Variants in DNAH8 observed in about 807,000 individuals in gnomAD.
DNAH8 encodes axonemal beta dynein heavy chain 8.
Under a neutral mutation model 562.1 loss-of-function variants are expected in DNAH8, and 382 were observed. That is an observed-to-expected ratio of 0.68 (90% CI 0.63 to 0.74). The LOEUF is 0.74. Ranked by LOEUF, DNAH8 falls within the 30% of genes least tolerant of loss-of-function variation. The probability of loss-of-function intolerance (pLI) is 0.00; values close to 1 mark genes in which losing one functional copy is unlikely to be tolerated. For missense variants in DNAH8, 5,203 were observed against 5,620.4 expected (o/e 0.93, Z 2.37); for synonymous variants, 1,881 against 1,919.4 (o/e 0.98, Z 0.52).
chr6:38,763,392 T>G, intron 11 of DNAH8: 2 of 281,864 alleles, frequency 7.1e-6, no homozygotes, highest in Non-Finnish European at 1.4e-5. Context: ...AAGCAGAATA[T>G]TGTGACAAGA....
rs766171890 is a variant in DNAH8 at position 38,857,711 on chromosome 6, A to G, written c.5927A>G (p.His1976Arg). The change falls in exon 42 of 93, where the codon CAT becomes CGT. Residue 1976 changes from histidine (H) to arginine (R), a missense_variant. Physicochemically the swap from His to Arg is conservative, Grantham distance 29 (BLOSUM62 0). Coordinates refer to ENST00000327475, the MANE Select transcript of DNAH8 (RefSeq NM_001206927.2). ...AAGTTCGAGACTCTAATTACCATCCATGTGCATCAGAGAGATATTTTTGAT... is the reference window on the plus strand; with the variant it reads ...AAGTTCGAGACTCTAATTACCATCCGTGTGCATCAGAGAGATATTTTTGAT... ...RVKFETLITI[H>R]VHQRDIFDDL... 1 of 1,612,514 alleles carries G rather than the reference A, an allele frequency of 6.2e-7. No individual in the cohort carries two copies. The highest frequency in any genetic ancestry group is 8.5e-7 in the Non-Finnish European group (1 of 1,178,910).
At position 38,786,873 on chromosome 6, in the gene DNAH8, T is replaced by C. The variant is rs1236441951; in HGVS notation, c.2504T>C (p.Met835Thr). The change falls in exon 18 of 93, where the codon ATG becomes ACG. Residue 835 changes from methionine to threonine, a missense_variant. Met to Thr is a moderately conservative substitution (Grantham distance 81, BLOSUM62 -1). Transcript: ENST00000327475. Reference protein sequence around the residue: ...VVRETKCMIKMKLDVPEQAKR... With the variant: ...VVRETKCMIKTKLDVPEQAKR... ...CGGGAAACTAAGTGTATGATAAAAATGAAGTTGGATGTACCAGAACAGGCA... is the reference window on the plus strand; with the variant it reads ...CGGGAAACTAAGTGTATGATAAAAACGAAGTTGGATGTACCAGAACAGGCA... 4 of 1,613,426 alleles carry C rather than the reference T, an allele frequency of 2.5e-6. No homozygotes were observed. In the African/African-American group the frequency reaches 5.3e-5, roughly 22 times the overall value.
At chr6:38,990,792 C>T (rs1422886216) in intron 88 of DNAH8, among the ~76,000 whole-genome samples, 1 of 152,178 alleles carries the variant, frequency 6.6e-6, no homozygotes, top group Admixed American at 6.5e-5. Context: ...AAGAAATGCT[C>T]CCCAGTTCCA....
rs779021668 is a variant in DNAH8, at chr6:38,921,349, C to A, written c.10525-20C>A. On this transcript the variant is annotated intron_variant, in intron 70 of 92. Coordinates refer to ENST00000327475, the MANE Select transcript of DNAH8 (RefSeq NM_001206927.2). ...CTGTTTCATGCAGCTAATACACTAA[C>A]CACGTCTTCTTCTTTTCAGGCCAAC... The A allele has an allele frequency of 8.8e-5, 142 of 1,609,784 alleles. No individual in the cohort carries two copies. The highest frequency in any genetic ancestry group is 1.2e-4 in the Non-Finnish European group (138 of 1,178,566).
intron 77 of DNAH8, among the ~76,000 whole-genome samples, chr6:38,936,106 T>C (rs147844267): frequency 0.013 from 1,936 of 152,122 alleles, 30 homozygotes; most frequent in Middle Eastern, 0.037. Context: ...CCCAGCACTT[T>C]GGGAGACCAA....
intron 57 of DNAH8, 67 bp downstream of exon 57, chr6:38,887,071 T>A: frequency 8.4e-7 from 1 of 1,191,332 alleles, no homozygotes; most frequent in Non-Finnish European, 1.2e-6. Flanking sequence ...AAAATTTCAT[T>A]TAAGAGACAA....
chr6:38,927,292 A>G (rs1056160317), intron 74 of DNAH8, among the ~76,000 whole-genome samples: 1 of 152,210 alleles, frequency 6.6e-6, no homozygotes, highest in Non-Finnish European at 1.5e-5. Flanking sequence ...GCCATAACAA[A>G]CATCCTATTT....
In DNAH8 at chr6:38,938,102, T is replaced by C; in HGVS notation, c.11692T>C (p.Phe3898Leu). Reference protein sequence around the residue: ...EIKINAAQEEFRPAATRGSIL... With the variant: ...EIKINAAQEELRPAATRGSIL... ...CAAGATCAACGCGGCTCAGGAGGAG[T>C]TCCGGCCCGCAGCCACCCGCGGAAG... The change falls in exon 78 of 93, where the codon TTC becomes CTC. Residue 3898 changes from phenylalanine (F) to leucine (L), a missense_variant. By Grantham distance (22) the Phe-to-Leu change is conservative. Coordinates refer to ENST00000327475, the MANE Select transcript of DNAH8 (RefSeq NM_001206927.2). The C allele has an allele frequency of 1.2e-6, 2 of 1,613,278 alleles. No individual in the cohort carries two copies. The highest frequency in any genetic ancestry group is 1.7e-6 in the Non-Finnish European group (2 of 1,179,852).
chr6:38,757,035 C>A (rs951886570), intron 10 of DNAH8, among the ~76,000 whole-genome samples: 18 of 152,116 alleles, frequency 1.2e-4, no homozygotes, highest in African/African-American at 4.3e-4. Context: ...GGTATATACC[C>A]AGTAATGGGA....
At chr6:38,808,650 C>T (rs1314183831) in intron 24 of DNAH8, among the ~76,000 whole-genome samples, 1 of 152,150 alleles carries the variant, frequency 6.6e-6, no homozygotes, top group Admixed American at 6.5e-5. Context: ...CGTATGTTTA[C>T]TGTGGCAATG....
chr6:38,802,937 A>G (rs1770907815), intron 21 of DNAH8, among the ~76,000 whole-genome samples: 1 of 152,248 alleles, frequency 6.6e-6, no homozygotes, highest in Admixed American at 6.5e-5. Flanking sequence ...TCTATGTGTG[A>G]TTGAGTCAGG....
At position 38,866,585 on chromosome 6, in the gene DNAH8, T is replaced by G. The variant is rs769054391; in HGVS notation, c.6499-6T>G. ...AATTAAAAATTAAACATATTTTAAC[T>G]TTTAGAACCCTGGATATGCTGGGCG... On this transcript the variant is annotated splice_region_variant and splice_polypyrimidine_tract_variant and intron_variant, in intron 45 of 92. Transcript: ENST00000327475. 1 of 1,596,392 alleles carries G rather than the reference T, an allele frequency of 6.3e-7. No homozygotes were observed. Among genetic ancestry groups the G allele is most frequent in the South Asian group, 1.2e-5 (1 of 86,822 alleles).
intron 3 of DNAH8, among the ~76,000 whole-genome samples, chr6:38,726,581 A>G (rs997993264): frequency 2.0e-5 from 3 of 152,226 alleles, no homozygotes; most frequent in Admixed American, 2.0e-4. Context: ...TTAAGGAAGA[A>G]TCAAGCTGCA....
chr6:38,720,831 A>C (rs1250466322), intron 1 of DNAH8, among the ~76,000 whole-genome samples: 1 of 137,808 alleles, frequency 7.3e-6, no homozygotes, highest in East Asian at 2.0e-4. Context: ...AAGCTCAGTG[A>C]TCTCCAAGAT....
chr6:38,805,382 C>T, intron 22 of DNAH8, 99 bp from the exon 23 acceptor site: 1 of 722,930 alleles, frequency 1.4e-6, no homozygotes, highest in South Asian at 1.6e-5. Flanking sequence ...AAAGTAAGAG[C>T]TTTTTAAAAA....
Position 38,850,236 on chromosome 6 carries a change from T to C in DNAH8, c.5200-15T>C, listed in dbSNP as rs772288613. On this transcript the variant is annotated splice_polypyrimidine_tract_variant and intron_variant, in intron 37 of 92. Coordinates refer to ENST00000327475, the MANE Select transcript of DNAH8 (RefSeq NM_001206927.2). ...TCCAAATGCTAATCTTTACTGGCTA[T>C]GGATGCATTTTCAGGAAGCAAAACG... 1 of 1,611,568 alleles carries C rather than the reference T, an allele frequency of 6.2e-7. No homozygotes were observed. Among genetic ancestry groups the C allele is most frequent in the Non-Finnish European group, 8.5e-7 (1 of 1,178,596 alleles).
At chr6:38,890,850 T>A in intron 58 of DNAH8, 89 bp downstream of exon 58, 1 of 870,324 alleles carries the variant, frequency 1.1e-6, no homozygotes, top group Non-Finnish European at 1.9e-6. Flanking sequence ...TATCATAATA[T>A]CATATATAGT....
chr6:38,940,931 C>CCACA (rs55709431), intron 79 of DNAH8, among the ~76,000 whole-genome samples: 1 of 151,570 alleles, frequency 6.6e-6, no homozygotes, highest in Non-Finnish European at 1.5e-5. Flanking sequence ...TCCTGGTCAC[C>CCACA]GGTTTAGGTG....
chr6:38,783,175 G>A (rs1768814792), intron 17 of DNAH8, 36 bp downstream of exon 17: 1 of 1,600,980 alleles, frequency 6.2e-7, no homozygotes, highest in East Asian at 2.2e-5. Flanking sequence ...ACAAAGTAGG[G>A]ATTAGGTGAT....
Sources: allele counts gnomAD v4.1 joint callset (sites outside exome capture counted in the v4.1 genomes callset), GRCh38; gene constraint gnomAD v4.1.1; transcripts MANE v1.5; gene names NCBI Gene and HGNC (gene_info 2026-07-23, HGNC 2026-07-21).